Variants in WDR41 observed in about 807,000 individuals in gnomAD.
WDR41 encodes WD repeat domain 41, also known as WD repeat-containing protein 41.
In WDR41, 63 loss-of-function variants were observed where a neutral mutation model predicts 69.3. The ratio of observed to expected loss-of-function variants is 0.91; its 90% CI spans 0.74 to 1.12. The LOEUF (loss-of-function observed/expected upper bound fraction) is 1.12. Ranked by LOEUF, WDR41 falls within the 50% of genes most tolerant of loss-of-function variation. WDR41 has a pLI of 0.00. For missense variants in WDR41, 543 were observed against 534.5 expected (o/e 1.02, Z -0.16); for synonymous variants, 185 against 192.1 (o/e 0.96, Z 0.31).
At chr5:77,555,698 T>C (rs1315913795) in intron 1 of WDR41, among the ~76,000 whole-genome samples, 1 of 152,126 alleles carries the variant, frequency 6.6e-6, no homozygotes, top group Non-Finnish European at 1.5e-5. Flanking sequence ...ATGGGTAAGA[T>C]CCTTATGAAG....
intron 1 of WDR41, among the ~76,000 whole-genome samples, chr5:77,550,179 C>A (rs562134452): frequency 3.7e-4 from 57 of 152,108 alleles, no homozygotes; most frequent in Middle Eastern, 3.4e-3. Flanking sequence ...GGACATTGGC[C>A]TTGGGAAAGA....
chr5:77,607,856 T>C (rs1271976156), intron 1 of WDR41, among the ~76,000 whole-genome samples: 1 of 152,260 alleles, frequency 6.6e-6, no homozygotes, highest in Non-Finnish European at 1.5e-5. Flanking sequence ...ATTGCCTATA[T>C]TTATATTCTC....
intron 1 of WDR41, among the ~76,000 whole-genome samples, chr5:77,572,387 A>G (rs1024661214): frequency 1.3e-5 from 2 of 152,232 alleles, no homozygotes; most frequent in African/African-American, 2.4e-5. Flanking sequence ...ATTAACAGCA[A>G]TTTTAAAAGC....
chr5:77,437,366 G>A lies in WDR41; in HGVS notation c.1063C>T (p.Gln355Ter). 1 of 1,613,932 alleles carries A rather than the reference G, an allele frequency of 6.2e-7. No individual in the cohort carries two copies. Reference protein sequence around the residue: ...SVRIWELREKQQLAAEPVPTG... With the variant: ...SVRIWELREK ...GGTACAGGCTCAGCTGCAAGCTGCTGTTTTTCTCTTAACTCCCAAATGCGT... is the reference window on the plus strand; with the variant it reads ...GGTACAGGCTCAGCTGCAAGCTGCTATTTTTCTCTTAACTCCCAAATGCGT... Residue 355 changes from glutamine to a stop codon, truncating the protein, a stop_gained, in exon 11 of 13, where the codon CAG (glutamine) becomes TAG (stop). Coordinates refer to ENST00000296679, the MANE Select transcript of WDR41 (RefSeq NM_018268.4). LOFTEE classifies it high-confidence loss of function.
At chr5:77,505,129 T>C (rs1802085960) in intron 1 of WDR41, among the ~76,000 whole-genome samples, 1 of 152,158 alleles carries the variant, frequency 6.6e-6, no homozygotes, top group South Asian at 2.1e-4. Flanking sequence ...GAAAACCCCA[T>C]CGTCTCCACC....
At chr5:77,577,873 G>C (rs1019489359) in intron 1 of WDR41, among the ~76,000 whole-genome samples, 2 of 152,138 alleles carry the variant, frequency 1.3e-5, no homozygotes, top group Non-Finnish European at 2.9e-5. Context: ...TAACATCATA[G>C]CTTAGCCTAG....
At chr5:77,506,068 G>A (rs1359841452) in intron 1 of WDR41, among the ~76,000 whole-genome samples, 4 of 152,014 alleles carry the variant, frequency 2.6e-5, no homozygotes, top group South Asian at 2.1e-4. Flanking sequence ...GCTTCTGCAC[G>A]GCAAAAGAAA....
chr5:77,596,224 T>C (rs760219508), intron 1 of WDR41, among the ~76,000 whole-genome samples: 2 of 152,192 alleles, frequency 1.3e-5, no homozygotes, highest in Non-Finnish European at 2.9e-5. Context: ...CTTGGCTCAC[T>C]GCAACCTCCG....
At chr5:77,507,970 A>G (rs1208602662) in intron 1 of WDR41, among the ~76,000 whole-genome samples, 1 of 152,064 alleles carries the variant, frequency 6.6e-6, no homozygotes, top group African/African-American at 2.4e-5. Flanking sequence ...TGGCTTGCAT[A>G]ACCTCTATCA....
intron 1 of WDR41, among the ~76,000 whole-genome samples, chr5:77,541,487 CTTTTTTTTTT>C (rs11335010): frequency 1.0e-5 from 1 of 97,828 alleles, no homozygotes; most frequent in Non-Finnish European, 2.0e-5. Context: ...AAAAGGAATT[CTTTTTTTTTT>C]TTTTTTTTTT....
chr5:77,591,188 G>A (rs1744131043), intron 1 of WDR41, among the ~76,000 whole-genome samples: 1 of 151,620 alleles, frequency 6.6e-6, no homozygotes, highest in African/African-American at 2.4e-5. Flanking sequence ...TTGTATTTAA[G>A]GTATAAATAT....
chr5:77,468,260 A>T (rs1800394884), intron 2 of WDR41, among the ~76,000 whole-genome samples: 1 of 152,130 alleles, frequency 6.6e-6, no homozygotes, highest in Admixed American at 6.6e-5. Flanking sequence ...CTAACTATAT[A>T]GATGCTTAAA....
chr5:77,504,601 C>T (rs1189566239), intron 1 of WDR41, among the ~76,000 whole-genome samples: 8 of 152,078 alleles, frequency 5.3e-5, no homozygotes, highest in Admixed American at 2.6e-4. Context: ...ATATCCCTGA[C>T]GAACATCGAT....
chr5:77,597,028 C>T (rs1297101066), intron 1 of WDR41, among the ~76,000 whole-genome samples: 1 of 151,380 alleles, frequency 6.6e-6, no homozygotes. Context: ...AGGCTAAAGG[C>T]GGAAGGATGG....
chr5:77,493,467 G>A (rs1174461694), upstream of WDR41, among the ~76,000 whole-genome samples: 1 of 152,112 alleles, frequency 6.6e-6, no homozygotes, highest in Non-Finnish European at 1.5e-5. Context: ...ATAAGAGAGA[G>A]CCATACATCC....
intron 2 of WDR41, among the ~76,000 whole-genome samples, chr5:77,471,724 C>G (rs543249215): frequency 1.3e-5 from 2 of 152,168 alleles, no homozygotes; most frequent in East Asian, 3.9e-4. Context: ...AAGACTAAAC[C>G]AGGAAGAAGC....
intron 1 of WDR41, among the ~76,000 whole-genome samples, chr5:77,573,608 G>A (rs897750555): frequency 3.3e-5 from 5 of 152,092 alleles, no homozygotes; most frequent in East Asian, 3.9e-4. Flanking sequence ...TTGCAGCCAC[G>A]GAATTTCCAA....
chr5:77,492,537 G>C, upstream of WDR41: 4 of 345,752 alleles, frequency 1.2e-5, 1 homozygote, highest in Non-Finnish European at 2.1e-5. Flanking sequence ...GCCGGGTAGC[G>C]CACGGAGCTT....
intron 8 of WDR41, among the ~76,000 whole-genome samples, chr5:77,443,571 TTAG>T (rs1370224856): frequency 6.6e-6 from 1 of 152,190 alleles, no homozygotes; most frequent in African/African-American, 2.4e-5. Context: ...GCTTCTAGTT[TTAG>T]TAGTGGGAAA....
Sources: gnomAD v4.1 joint callset for allele counts (sites outside exome capture counted in the v4.1 genomes callset) on GRCh38, gnomAD v4.1.1 for gene constraint, MANE v1.5 for transcripts, NCBI Gene and HGNC (gene_info 2026-07-23, HGNC 2026-07-21) for gene names.